Variants in LUC7L2 observed in about 807,000 individuals in gnomAD.
LUC7L2 encodes putative RNA-binding protein Luc7-like 2.
Under a neutral mutation model 52.8 loss-of-function variants are expected in LUC7L2, and 25 were observed. That is an observed-to-expected ratio of 0.47 (90% confidence interval 0.34 to 0.66). The LOEUF (loss-of-function observed/expected upper bound fraction) is 0.66, where lower values mean the gene tolerates loss of function less well. LUC7L2 is among the 30% of genes least tolerant of loss of function. The probability of loss-of-function intolerance (pLI) is 0.01; values close to 1 mark genes in which losing one functional copy is unlikely to be tolerated. For missense variants in LUC7L2, 328 were observed against 497.8 expected, an observed-to-expected ratio of 0.66 and a Z score of 3.25; for synonymous variants, 144 against 160.9, an observed-to-expected ratio of 0.89 and a Z score of 0.80.
At chr7:139,350,411 GCA>G (rs1799417250) in intron 1 of LUC7L2, among the ~76,000 whole-genome samples, 1 of 151,816 alleles carries the variant, frequency 6.6e-6, no homozygotes, top group Non-Finnish European at 1.5e-5. Context: ...GTGAGCCACT[GCA>G]CCCAGCCACC....
chr7:139,413,552 CA>C (rs1051438228), intron 8 of LUC7L2, among the ~76,000 whole-genome samples: 1 of 152,198 alleles, frequency 6.6e-6, no homozygotes, highest in African/African-American at 2.4e-5. Context: ...CCGAGGCAGC[CA>C]GATCACCTGA....
At position 139,374,544 on chromosome 7, in the gene LUC7L2, G is replaced by T. The variant is rs558478343; in HGVS notation, c.62-1518G>T. ...AGCAGTTGTGTTTAAAAGGAAAAAG[G>T]ACCATCAAAATAACTTTTATTATAG... is the stretch of plus-strand genomic sequence containing the variant. On this transcript the variant is annotated intron_variant, in intron 1 of 9. Transcript: ENST00000354926. The T allele has an allele frequency of 2.6e-6, 4 of 1,546,328 alleles. No individual in the cohort carries two copies. In the South Asian group the frequency reaches 4.8e-5, roughly 18 times the overall value.
At chr7:139,364,799 TTACTG>T (rs2131186431) in intron 1 of LUC7L2, among the ~76,000 whole-genome samples, 2 of 152,360 alleles carry the variant, frequency 1.3e-5, no homozygotes, top group African/African-American at 4.8e-5. Flanking sequence ...AAAATCATCT[TTACTG>T]TAATCTGTGT....
At position 139,380,179 on chromosome 7, in the gene LUC7L2, A is replaced by G. The variant is rs192697220; in HGVS notation, c.156+4023A>G. On this transcript the variant is annotated intron_variant, in intron 2 of 9. Transcript: ENST00000354926. ...GGGTGACAGAGCAAGACTCTGTCTCAAAATAAATTAATAAATTAATCAGAG... is the reference window on the plus strand; with the variant it reads ...GGGTGACAGAGCAAGACTCTGTCTCGAAATAAATTAATAAATTAATCAGAG... 1.1e-4 allele frequency among the ~76,000 whole-genome samples: 16 copies of G among 152,214 alleles called. No individual in the cohort carries two copies. In the East Asian group the frequency reaches 1.4e-3, roughly 13 times the overall value.
intron 8 of LUC7L2, among the ~76,000 whole-genome samples, chr7:139,415,244 CATATCTTT>C (rs918578282): frequency 1.3e-5 from 2 of 150,360 alleles, no homozygotes; most frequent in African/African-American, 4.9e-5. Flanking sequence ...AACCACCTGA[CATATCTTT>C]ATTTACTGCC....
chr7:139,419,241 A>G (rs1217562849), intron 9 of LUC7L2, among the ~76,000 whole-genome samples: 2 of 152,280 alleles, frequency 1.3e-5, no homozygotes, highest in Non-Finnish European at 2.9e-5. Flanking sequence ...TAAACTGCAT[A>G]TCATAGAATA....
intron 1 of LUC7L2, among the ~76,000 whole-genome samples, chr7:139,343,553 A>G (rs1163547284): frequency 1.3e-5 from 2 of 152,166 alleles, no homozygotes; most frequent in Admixed American, 1.3e-4. Flanking sequence ...GCTCTCCAGC[A>G]TAGGCCACGG....
intron 1 of LUC7L2, chr7:139,374,341 T>A: frequency 7.9e-7 from 1 of 1,271,508 alleles, no homozygotes; most frequent in South Asian, 1.3e-5. Context: ...GTATTGAAAT[T>A]GCTGGCAGAG....
intron 5 of LUC7L2, among the ~76,000 whole-genome samples, chr7:139,406,587 G>T (rs1057148708): frequency 6.6e-6 from 1 of 151,260 alleles, no homozygotes; most frequent in African/African-American, 2.4e-5. Context: ...CTCCTGACCT[G>T]GGGTGATCTG....
intron 2 of LUC7L2, 146 bp downstream of exon 2, chr7:139,376,302 AAATC>A: frequency 1.2e-6 from 1 of 833,462 alleles, no homozygotes; most frequent in East Asian, 2.8e-5. Flanking sequence ...ATGATTACTT[AAATC>A]TTCAGTAATG....
chr7:139,387,609 A>C lies in LUC7L2; in HGVS notation c.157-10990A>C, dbSNP rs142226198. On this transcript the variant is annotated intron_variant, in intron 2 of 9. Coordinates refer to ENST00000354926, the MANE Select transcript of LUC7L2 (RefSeq NM_016019.5). The stretch of plus-strand genomic sequence containing the variant: ...ATCGAATGTGGAGAAGAAGGTAGTC[A>C]TTTCTGAGTGGGAATCAACTTGCCA... 1.9e-3 allele frequency among the ~76,000 whole-genome samples: 297 copies of C among 152,328 alleles called. 2 individuals are homozygous for C. Among genetic ancestry groups the C allele is most frequent in the Non-Finnish European group, 1.2e-3 (85 of 68,018 alleles).
chr7:139,345,267 T>C (rs1383916546), intron 1 of LUC7L2, among the ~76,000 whole-genome samples: 1 of 152,178 alleles, frequency 6.6e-6, no homozygotes, highest in Non-Finnish European at 1.5e-5. Flanking sequence ...CAGTACTGAC[T>C]GAATACAGGG....
At chr7:139,378,549 T>G (rs993295078) in intron 2 of LUC7L2, among the ~76,000 whole-genome samples, 18 of 151,318 alleles carry the variant, frequency 1.2e-4, no homozygotes, top group African/African-American at 4.4e-4. Flanking sequence ...TACTCTACCC[T>G]GGGCAACAGA....
In LUC7L2 at chr7:139,382,075, A is replaced by G. The variant is rs555937305; in HGVS notation, c.156+5919A>G. ...ATTTTTTGTATTTTTGTATTTTAGT[A>G]GAGATGGAGTTTCACCATGTTGGCC... is the stretch of plus-strand genomic sequence containing the variant. On this transcript the variant is annotated intron_variant, in intron 2 of 9. Transcript: ENST00000354926. 7.2e-5 allele frequency among the ~76,000 whole-genome samples: 11 copies of G among 152,002 alleles called. No individual in the cohort carries two copies. The East Asian group carries it at 2.1e-3, about 29-fold the overall frequency.
chr7:139,416,048 T>A (rs1413086016), intron 8 of LUC7L2: 4 of 21,706 alleles, frequency 1.8e-4, no homozygotes, highest in Non-Finnish European at 3.0e-4. Context: ...AAAATATATA[T>A]ATATATATAT....
chr7:139,376,234 G>A, intron 2 of LUC7L2, 78 bp downstream of exon 2: 1 of 1,435,934 alleles, frequency 7.0e-7, no homozygotes, highest in South Asian at 1.2e-5. Flanking sequence ...TTAATTCTGT[G>A]TCAAAAGAAT....
chr7:139,353,791 C>CA lies in LUC7L2; in HGVS notation c.-26+13281dup, dbSNP rs1050636857. 4.7e-5 allele frequency among the ~76,000 whole-genome samples: 7 copies of CA among 148,168 alleles called. No individual in the cohort carries two copies. In the East Asian group the frequency reaches 1.4e-3, roughly 30 times the overall value. On this transcript the variant is annotated intron_variant, in intron 1 of 10. Transcript: ENST00000541170. ...CTGGTGACAGAGCAAGACTCCATCT[C>CA]AAAAAAACCCAAAAAAAACAAAGAA...
intron 2 of LUC7L2, among the ~76,000 whole-genome samples, chr7:139,396,208 T>G (rs571744796): frequency 3.6e-4 from 55 of 151,946 alleles, no homozygotes; most frequent in South Asian, 1.2e-3. Context: ...GAGGCTGAAG[T>G]GGGAGGATCA....
intron 2 of LUC7L2, among the ~76,000 whole-genome samples, chr7:139,388,205 A>T (rs1390296694): frequency 6.6e-6 from 1 of 152,190 alleles, no homozygotes; most frequent in Non-Finnish European, 1.5e-5. Context: ...ATAGTACACC[A>T]TAGTCTTTGT....
Sources: allele counts gnomAD v4.1 joint callset (sites outside exome capture counted in the v4.1 genomes callset), GRCh38; gene constraint gnomAD v4.1.1; transcripts MANE v1.5; gene names NCBI Gene and HGNC (gene_info 2026-07-23, HGNC 2026-07-21).